Variants in FAF1 observed in about 807,000 individuals in gnomAD.
The protein encoded by FAF1 is Fas associated factor 1.
Under a neutral mutation model 92.5 loss-of-function variants are expected in FAF1, and 25 were observed. That is an observed-to-expected ratio of 0.27 (90% CI 0.20 to 0.38). The LOEUF (loss-of-function observed/expected upper bound fraction) is 0.38. Ranked by LOEUF, FAF1 falls within the 10% of genes least tolerant of loss-of-function variation. FAF1 has a pLI of 1.00. For missense variants in FAF1, 636 were observed against 793.3 expected, an observed-to-expected ratio of 0.80 and a Z score of 2.38; for synonymous variants, 234 against 273.2, an observed-to-expected ratio of 0.86 and a Z score of 1.42.
At chr1:50,598,620 T>C (rs1437287063) in intron 8 of FAF1, among the ~76,000 whole-genome samples, 1 of 152,090 alleles carries the variant, frequency 6.6e-6, no homozygotes, top group Non-Finnish European at 1.5e-5. Context: ...CCATTTGAAG[T>C]TTTTTCTTTT....
Position 50,843,282 on chromosome 1 carries a change from G to A in FAF1, c.114+14647C>T, listed in dbSNP as rs552015462. ...TTCATTTTATGGATATATAATAGCC[G>A]TATATATTTATGGAGTACATGGGAT... On this transcript the variant is annotated intron_variant, in intron 2 of 18. Coordinates refer to ENST00000396153, the MANE Select transcript of FAF1 (RefSeq NM_007051.3). Among the ~76,000 whole-genome samples, 6 of 152,168 alleles carry A rather than the reference G, an allele frequency of 3.9e-5. No homozygotes were observed. In the South Asian group the frequency reaches 6.2e-4, roughly 16 times the overall value.
At chr1:50,638,280 C>A (rs1354021437) in intron 8 of FAF1, among the ~76,000 whole-genome samples, 3 of 152,066 alleles carry the variant, frequency 2.0e-5, no homozygotes, top group African/African-American at 7.2e-5. Flanking sequence ...TTCCTCCTTT[C>A]TAATCTGCAT....
chr1:50,844,993 G>A (rs1179147338), intron 2 of FAF1, among the ~76,000 whole-genome samples: 1 of 152,110 alleles, frequency 6.6e-6, no homozygotes, highest in African/African-American at 2.4e-5. Context: ...AAAATGTGGT[G>A]GGACTTCCAG....
At chr1:50,667,536 G>A (rs1053533993) in intron 7 of FAF1, among the ~76,000 whole-genome samples, 6 of 152,116 alleles carry the variant, frequency 3.9e-5, no homozygotes, top group Non-Finnish European at 5.9e-5. Flanking sequence ...CTAAAACTGC[G>A]TCTATAAGGA....
At chr1:50,815,112 G>C (rs760984473) in intron 2 of FAF1, among the ~76,000 whole-genome samples, 1 of 151,918 alleles carries the variant, frequency 6.6e-6, no homozygotes, top group Non-Finnish European at 1.5e-5. Flanking sequence ...TTTAGATTCC[G>C]GGGGTACATC....
At chr1:50,906,463 C>A (rs557661882) in intron 1 of FAF1, among the ~76,000 whole-genome samples, 17 of 152,238 alleles carry the variant, frequency 1.1e-4, no homozygotes, top group South Asian at 2.1e-4. Context: ...TATAAATTAT[C>A]TTGGGCAGTA....
intron 7 of FAF1, among the ~76,000 whole-genome samples, chr1:50,663,698 C>T (rs371377671): frequency 5.9e-5 from 9 of 151,562 alleles, no homozygotes; most frequent in African/African-American, 2.0e-4. Flanking sequence ...CCACCGCGCC[C>T]GGCCAGAAGC....
intron 13 of FAF1, among the ~76,000 whole-genome samples, chr1:50,553,840 T>A (rs926984298): frequency 6.6e-6 from 1 of 151,946 alleles, no homozygotes; most frequent in African/African-American, 2.4e-5. Flanking sequence ...AGGATAAAGT[T>A]GAGGAAGCTC....
At chr1:50,487,799 G>A (rs1199617282) in intron 17 of FAF1, among the ~76,000 whole-genome samples, 1 of 152,148 alleles carries the variant, frequency 6.6e-6, no homozygotes, top group Admixed American at 6.5e-5. Flanking sequence ...TAATTATATG[G>A]GTTAGGATTT....
At chr1:50,601,715 ACACT>A (rs1652141035) in intron 8 of FAF1, among the ~76,000 whole-genome samples, 1 of 147,554 alleles carries the variant, frequency 6.8e-6, no homozygotes, top group Non-Finnish European at 1.5e-5. Context: ...ATACACACAC[ACACT>A]ATATATATTC....
At chr1:50,496,858 C>T (rs548682313) in intron 15 of FAF1, among the ~76,000 whole-genome samples, 20 of 150,050 alleles carry the variant, frequency 1.3e-4, no homozygotes, top group Non-Finnish European at 2.4e-4. Flanking sequence ...CATTGTACTC[C>T]AGTCTGGGCA....
At chr1:50,852,274 G>C (rs1378759355) in intron 2 of FAF1, among the ~76,000 whole-genome samples, 2 of 152,160 alleles carry the variant, frequency 1.3e-5, no homozygotes, top group African/African-American at 4.8e-5. Flanking sequence ...ACAAGAAAAA[G>C]TAATATCAGT....
At chr1:50,824,835 A>G (rs1486777249) in intron 2 of FAF1, among the ~76,000 whole-genome samples, 1 of 152,152 alleles carries the variant, frequency 6.6e-6, no homozygotes, top group Non-Finnish European at 1.5e-5. Flanking sequence ...ATTAAGTGAA[A>G]TAAGCCAGGT....
chr1:50,825,553 T>C (rs1644088845), intron 2 of FAF1, among the ~76,000 whole-genome samples: 1 of 151,372 alleles, frequency 6.6e-6, no homozygotes, highest in South Asian at 2.1e-4. Context: ...AAAAAATAAA[T>C]AGAAAACTCC....
At chr1:50,840,364 A>T (rs1417091913) in intron 2 of FAF1, among the ~76,000 whole-genome samples, 1 of 152,024 alleles carries the variant, frequency 6.6e-6, no homozygotes, top group African/African-American at 2.4e-5. Context: ...GTGACAAAAG[A>T]CTAGTACCCA....
chr1:50,536,871 G>A (rs1342988912), intron 14 of FAF1, among the ~76,000 whole-genome samples: 1 of 152,164 alleles, frequency 6.6e-6, no homozygotes, highest in Non-Finnish European at 1.5e-5. Context: ...ACACTATGTA[G>A]TGTTCTTAGA....
chr1:50,585,890 A>G (rs1301555528), intron 9 of FAF1, among the ~76,000 whole-genome samples: 3 of 150,884 alleles, frequency 2.0e-5, no homozygotes, highest in Non-Finnish European at 3.0e-5. Flanking sequence ...TAAAAAAAAA[A>G]AAAAAAAAAA....
chr1:50,508,500 T>C (rs1383560802), intron 15 of FAF1, among the ~76,000 whole-genome samples: 10 of 152,246 alleles, frequency 6.6e-5, no homozygotes, highest in Non-Finnish European at 1.2e-4. Context: ...TATTGTATGA[T>C]TCCATTTATA....
intron 15 of FAF1, among the ~76,000 whole-genome samples, chr1:50,524,043 C>T (rs969832976): frequency 2.0e-5 from 3 of 152,046 alleles, no homozygotes; most frequent in Admixed American, 6.6e-5. Context: ...TCTGCAACCT[C>T]GCTAGCATCT....
Sources: allele counts gnomAD v4.1 joint callset (sites outside exome capture counted in the v4.1 genomes callset), GRCh38; gene constraint gnomAD v4.1.1; transcripts MANE v1.5; gene names NCBI Gene and HGNC (gene_info 2026-07-23, HGNC 2026-07-21).